RB1: variants seen among roughly 807,000 people sequenced by gnomAD.
The protein encoded by RB1 is RB transcriptional corepressor 1, also known as retinoblastoma-associated protein.
A neutral mutation model predicts 135.4 loss-of-function variants in RB1; 18 were observed. The ratio of observed to expected loss-of-function variants is 0.13; its 90% CI spans 0.09 to 0.20. RB1 has a LOEUF of 0.20. Ranked by LOEUF, RB1 falls within the 10% of genes least tolerant of loss-of-function variation. The pLI is 1.00. For missense variants in RB1, 868 were observed against 1,110.0 expected (o/e 0.78, Z 3.10); for synonymous variants, 365 against 373.2 (o/e 0.98, Z 0.25).
chr13:48,396,437 TA>T (rs1156781921), intron 17 of RB1, among the ~76,000 whole-genome samples: 1 of 152,186 alleles, frequency 6.6e-6, no homozygotes. Context: ...GAAAACTGAC[TA>T]GCCATATGCA....
intron 2 of RB1, among the ~76,000 whole-genome samples, chr13:48,315,736 T>G (rs1952175901): frequency 6.6e-6 from 1 of 152,248 alleles, no homozygotes. Context: ...ACACTTTCTT[T>G]ATCCACTAAT....
intron 2 of RB1, among the ~76,000 whole-genome samples, chr13:48,333,957 G>C (rs1257991099): frequency 1.3e-5 from 2 of 152,102 alleles, no homozygotes; most frequent in East Asian, 3.8e-4. Flanking sequence ...GTTAAGAGCT[G>C]ACAGGTTTAT....
chr13:48,344,084 CATG>C (rs1440830938), intron 3 of RB1, among the ~76,000 whole-genome samples: 1 of 152,092 alleles, frequency 6.6e-6, no homozygotes, highest in African/African-American at 2.4e-5. Context: ...ATACAAAATT[CATG>C]ATTAGAAATT....
At chr13:48,382,120 T>C (rs1025656928) in intron 17 of RB1, among the ~76,000 whole-genome samples, 20 of 152,230 alleles carry the variant, frequency 1.3e-4, no homozygotes, top group African/African-American at 4.8e-4. Flanking sequence ...TTGTTGGACA[T>C]TTGGGTTGCT....
At chr13:48,378,174 C>A (rs1053015379) in intron 13 of RB1, among the ~76,000 whole-genome samples, 1 of 152,068 alleles carries the variant, frequency 6.6e-6, no homozygotes, top group African/African-American at 2.4e-5. Flanking sequence ...AACATTTTTT[C>A]TTTCTTCAGT....
At chr13:48,440,665 A>C (rs1218981070) in intron 17 of RB1, among the ~76,000 whole-genome samples, 2 of 152,216 alleles carry the variant, frequency 1.3e-5, no homozygotes, top group Non-Finnish European at 2.9e-5. Flanking sequence ...GTTTTAACCA[A>C]GAAGAACTTA....
intron 17 of RB1, among the ~76,000 whole-genome samples, chr13:48,392,403 G>A (rs189325386): frequency 2.0e-4 from 30 of 152,220 alleles, no homozygotes; most frequent in Admixed American, 3.3e-4. Context: ...GAGCCACCAC[G>A]CCTGGCCTTG....
chr13:48,411,839 A>C lies in RB1; in HGVS notation c.1695+30396A>C, dbSNP rs2233573. 6.6e-5 allele frequency: 107 copies of C among 1,612,804 alleles called. No homozygotes were observed. In the African/African-American group the frequency reaches 1.1e-3, roughly 17 times the overall value. ...AACAAGTTACATTTAAAATTAGAGG[A>C]ATAAAAAATCCCACTATTTCGATGA... On this transcript the variant is annotated intron_variant, in intron 17 of 26. Transcript: ENST00000267163.
chr13:48,413,641 C>T (rs988564551), intron 17 of RB1, among the ~76,000 whole-genome samples: 1 of 152,096 alleles, frequency 6.6e-6, no homozygotes, highest in Non-Finnish European at 1.5e-5. Flanking sequence ...TAGCTCTTAT[C>T]CTGGGTCTCA....
At chr13:48,317,991 C>A (rs774226035) in intron 2 of RB1, 1 of 483,406 alleles carries the variant, frequency 2.1e-6, no homozygotes, top group Non-Finnish European at 3.9e-6. Flanking sequence ...ATGCTCTCGT[C>A]ACTGTCCACT....
In RB1 at chr13:48,392,984, CAG is replaced by C. The variant is rs1226699368; in HGVS notation, c.1695+11544_1695+11545del. ...TTTATCTGGTTTTTGTTTTTGGACACAGAGCAGTCTTTAATCAATAGCCGATT... is the reference window on the plus strand; with the variant it reads ...TTTATCTGGTTTTTGTTTTTGGACACAGCAGTCTTTAATCAATAGCCGATT... On this transcript the variant is annotated intron_variant, in intron 17 of 26. Coordinates refer to ENST00000267163, the MANE Select transcript of RB1 (RefSeq NM_000321.3). Among the ~76,000 whole-genome samples the C allele has an allele frequency of 4.6e-5, 7 of 152,228 alleles. 1 individual carries two copies. The Middle Eastern group carries it at 0.01, about 222-fold the overall frequency.
At chr13:48,362,738 T>C in intron 7 of RB1, 77 bp from the exon 8 acceptor site, 1 of 1,461,064 alleles carries the variant, frequency 6.8e-7, no homozygotes, top group Non-Finnish European at 9.6e-7. Flanking sequence ...ATTTTTGACC[T>C]AAGTTATAGT....
chr13:48,368,260 TC>T (rs1454220366), intron 10 of RB1, among the ~76,000 whole-genome samples: 1 of 152,190 alleles, frequency 6.6e-6, no homozygotes, highest in Non-Finnish European at 1.5e-5. Context: ...GGAGAAAGCA[TC>T]TGACTTTCAC....
At chr13:48,345,300 T>C in intron 4 of RB1, 101 bp downstream of exon 4, 1 of 1,335,336 alleles carries the variant, frequency 7.5e-7, no homozygotes, top group Non-Finnish European at 1.1e-6. Context: ...AGTTAGTAAG[T>C]ATTAATTCTT....
intron 17 of RB1, chr13:48,411,801 A>G: frequency 1.2e-6 from 2 of 1,612,834 alleles, no homozygotes; most frequent in Non-Finnish European, 1.7e-6. Flanking sequence ...TAAAGTTTTT[A>G]GCACCATACT....
At chr13:48,421,174 A>C (rs939981623) in intron 17 of RB1, among the ~76,000 whole-genome samples, 3 of 152,208 alleles carry the variant, frequency 2.0e-5, no homozygotes, top group African/African-American at 7.2e-5. Flanking sequence ...TGGTATTGGT[A>C]CCAAAACAGA....
intron 17 of RB1, among the ~76,000 whole-genome samples, chr13:48,387,571 G>A (rs1352508181): frequency 6.6e-6 from 1 of 152,054 alleles, no homozygotes; most frequent in Non-Finnish European, 1.5e-5. Context: ...ATGATGGCTA[G>A]AGAGTATGGT....
chr13:48,447,144 A>G (rs183474752), intron 17 of RB1, among the ~76,000 whole-genome samples: 8 of 152,350 alleles, frequency 5.3e-5, no homozygotes, highest in South Asian at 2.1e-4. Context: ...GAGAGAAAGA[A>G]TAATAATGAT....
intron 2 of RB1, among the ~76,000 whole-genome samples, chr13:48,321,767 A>G (rs1028299721): frequency 1.3e-5 from 2 of 152,136 alleles, no homozygotes; most frequent in Non-Finnish European, 2.9e-5. Context: ...GAGGCAGGAG[A>G]ATGACATGAA....
Sources: allele counts gnomAD v4.1 joint callset (sites outside exome capture counted in the v4.1 genomes callset), GRCh38; gene constraint gnomAD v4.1.1; transcripts MANE v1.5; gene names NCBI Gene and HGNC (gene_info 2026-07-23, HGNC 2026-07-21).